Variants in MAP2K6 observed in about 807,000 individuals in gnomAD.
MAP2K6 encodes the protein mitogen-activated protein kinase kinase 6, also known as dual specificity mitogen-activated protein kinase kinase 6.
In MAP2K6, 16 loss-of-function variants were observed where a neutral mutation model predicts 53.7. That is an observed-to-expected ratio of 0.30 (90% CI 0.20 to 0.45). MAP2K6 has a LOEUF of 0.45. Among genes scored for constraint, MAP2K6 ranks in the 20% least tolerant of loss-of-function variants. The pLI is 1.00. For synonymous variants in MAP2K6, 132 were observed against 143.1 expected, an observed-to-expected ratio of 0.92 and a Z score of 0.55; for missense variants, 204 against 411.9, an observed-to-expected ratio of 0.50 and a Z score of 4.37.
chr17:69,465,623 CTTTTTT>C (rs142876473), intron 1 of MAP2K6, among the ~76,000 whole-genome samples: 15 of 144,266 alleles, frequency 1.0e-4, no homozygotes, highest in East Asian at 4.1e-4. Context: ...TTGTTTTTTT[CTTTTTT>C]TTTTTTTGAA....
At chr17:69,525,158 T>C (rs1401700363) in intron 9 of MAP2K6, among the ~76,000 whole-genome samples, 180 bp downstream of exon 9, 2 of 152,200 alleles carry the variant, frequency 1.3e-5, no homozygotes, top group Non-Finnish European at 2.9e-5. Flanking sequence ...AACACTGATA[T>C]GGGATTGGGG....
At chr17:69,429,427 G>C (rs1598257425) in intron 1 of MAP2K6, among the ~76,000 whole-genome samples, 1 of 151,868 alleles carries the variant, frequency 6.6e-6, no homozygotes, top group East Asian at 1.9e-4. Flanking sequence ...TGGGCAACAG[G>C]GTAAGACCTT....
intron 1 of MAP2K6, among the ~76,000 whole-genome samples, chr17:69,430,155 C>T (rs1428270366): frequency 2.0e-5 from 3 of 151,984 alleles, no homozygotes; most frequent in Non-Finnish European, 4.4e-5. Flanking sequence ...GGTGGAACCC[C>T]GTCTCTACTA....
In MAP2K6 at chr17:69,547,685, A is replaced by G. The variant is rs1432464381; in HGVS notation, c.*5932A>G. On this transcript the variant is annotated 3_prime_UTR_variant, in exon 12 of 12. Transcript: ENST00000590474. ...AAGTTGCTTGTTAATGTCCTCAGGT[A>G]AGTATGAATTGTTCTGGAAGCTGAT... 2.0e-5 allele frequency: 3 copies of G among 152,246 alleles called. No homozygotes were observed. The highest frequency in any genetic ancestry group is 6.5e-5 in the Admixed American group (1 of 15,286). 9.4% of individuals were successfully genotyped at this position (152,246 alleles called of 1,614,324 possible).
At position 69,446,228 on chromosome 17, in the gene MAP2K6, G is replaced by C. The variant is rs1288535034; in HGVS notation, c.16+31228G>C. On this transcript the variant is annotated intron_variant, in intron 1 of 11. Transcript: ENST00000590474. Reference sequence around the variant, plus strand: ...CTATCATTTGGCCTAAGAATATCAAGAATCAAGCCAATAATTGACAGTTTT... The same window carrying C: ...CTATCATTTGGCCTAAGAATATCAACAATCAAGCCAATAATTGACAGTTTT... Among the ~76,000 whole-genome samples, 3 of 152,164 alleles carry C rather than the reference G, an allele frequency of 2.0e-5. No homozygotes were observed. In the East Asian group the frequency reaches 5.8e-4, roughly 29 times the overall value.
chr17:69,449,609 CTTTTTTTTTT>C (rs757595417), intron 1 of MAP2K6, among the ~76,000 whole-genome samples: 1 of 70,014 alleles, frequency 1.4e-5, no homozygotes, highest in Non-Finnish European at 2.8e-5. Context: ...CTTTCTCTCT[CTTTTTTTTTT>C]TTTTTTTTTT....
chr17:69,477,237 T>C (rs1383425322), intron 1 of MAP2K6: 1 of 152,244 alleles, frequency 6.6e-6, no homozygotes, highest in Non-Finnish European at 1.5e-5. Context: ...GCGGCCATGC[T>C]AGGTACAACT....
At chr17:69,511,255 G>A (rs1220418605) in intron 2 of MAP2K6, among the ~76,000 whole-genome samples, 2 of 152,072 alleles carry the variant, frequency 1.3e-5, no homozygotes, top group South Asian at 2.1e-4. Flanking sequence ...AGAGTATACC[G>A]CTGTAGCTCA....
At chr17:69,428,225 C>G (rs890301913) in intron 1 of MAP2K6, among the ~76,000 whole-genome samples, 3 of 152,194 alleles carry the variant, frequency 2.0e-5, no homozygotes, top group Non-Finnish European at 2.9e-5. Context: ...TTAATTGTCT[C>G]GCAGTTCTGG....
intron 1 of MAP2K6, among the ~76,000 whole-genome samples, chr17:69,427,783 TTCTTG>T (rs1163265776): frequency 3.3e-5 from 5 of 152,218 alleles, no homozygotes; most frequent in Non-Finnish European, 7.3e-5. Context: ...CTGCAAAGTC[TTCTTG>T]CTTGGGACTT....
At chr17:69,501,221 T>C (rs1487983640) in intron 1 of MAP2K6, among the ~76,000 whole-genome samples, 1 of 152,190 alleles carries the variant, frequency 6.6e-6, no homozygotes, top group Non-Finnish European at 1.5e-5. Context: ...TAAACTCTCA[T>C]AGTCGTGCCC....
intron 2 of MAP2K6, among the ~76,000 whole-genome samples, chr17:69,514,504 A>G (rs888992488): frequency 6.6e-6 from 1 of 152,184 alleles, no homozygotes; most frequent in Non-Finnish European, 1.5e-5. Flanking sequence ...GAGGTGAGAG[A>G]AGGCTTGCCA....
intron 1 of MAP2K6, among the ~76,000 whole-genome samples, chr17:69,448,314 T>C (rs1907046091): frequency 1.3e-5 from 2 of 151,672 alleles, no homozygotes; most frequent in African/African-American, 4.9e-5. Flanking sequence ...TGTTTTTCAC[T>C]GGACTCTTTC....
chr17:69,421,633 G>T (rs1906083149), intron 1 of MAP2K6, among the ~76,000 whole-genome samples: 1 of 151,746 alleles, frequency 6.6e-6, no homozygotes, highest in Admixed American at 6.6e-5. Flanking sequence ...CCGCCTCCTG[G>T]GTTCACGCCA....
chr17:69,482,427 C>T (rs1279751386), intron 1 of MAP2K6, among the ~76,000 whole-genome samples: 1 of 151,944 alleles, frequency 6.6e-6, no homozygotes, highest in East Asian at 1.9e-4. Flanking sequence ...AACAGTGTGC[C>T]TTCCCCATAA....
At chr17:69,416,842 A>G (rs1905922169) in intron 1 of MAP2K6, among the ~76,000 whole-genome samples, 1 of 152,192 alleles carries the variant, frequency 6.6e-6, no homozygotes, top group African/African-American at 2.4e-5. Context: ...GTTTACTGTG[A>G]TCTTATCTTT....
At chr17:69,426,217 A>T (rs1906272397) in intron 1 of MAP2K6, among the ~76,000 whole-genome samples, 1 of 152,206 alleles carries the variant, frequency 6.6e-6, no homozygotes, top group South Asian at 2.1e-4. Context: ...TTAAGACATC[A>T]TGCTGGGTAG....
intron 1 of MAP2K6, among the ~76,000 whole-genome samples, chr17:69,491,805 G>A (rs1039329292): frequency 1.4e-4 from 21 of 151,188 alleles, no homozygotes; most frequent in Admixed American, 4.6e-4. Context: ...TTATTTCACC[G>A]TGGTTTTGAT....
intron 1 of MAP2K6, among the ~76,000 whole-genome samples, chr17:69,436,247 A>G (rs1160525750): frequency 6.6e-6 from 1 of 152,168 alleles, no homozygotes; most frequent in Non-Finnish European, 1.5e-5. Context: ...GATTTACTTG[A>G]TCCAAAGAAC....
Sources: gnomAD v4.1 joint callset for allele counts (sites outside exome capture counted in the v4.1 genomes callset) on GRCh38, gnomAD v4.1.1 for gene constraint, MANE v1.5 for transcripts, NCBI Gene and HGNC (gene_info 2026-07-23, HGNC 2026-07-21) for gene names.